The following MYO3A variants were observed in gnomAD, a reference collection of about 807,000 sequenced individuals.
MYO3A encodes myosin-IIIa.
MYO3A carries 180 observed loss-of-function variants against 192.7 expected under a neutral mutation model. The observed-to-expected ratio is 0.93, with a 90% CI of 0.83 to 1.06. MYO3A has a LOEUF of 1.06. Among genes scored for constraint, MYO3A ranks in the 50% least tolerant of loss-of-function variants. The pLI is 0.00. For missense variants in MYO3A, 1,896 were observed against 1,905.0 expected, an observed-to-expected ratio of 1.00 and a Z score of 0.09; for synonymous variants, 628 against 645.3, an observed-to-expected ratio of 0.97 and a Z score of 0.41.
At chr10:26,180,313 T>G (rs1429315222) in intron 31 of MYO3A, among the ~76,000 whole-genome samples, 3 of 152,196 alleles carry the variant, frequency 2.0e-5, no homozygotes, top group Non-Finnish European at 4.4e-5. Context: ...CACTCTGTAC[T>G]GATGAAATGT....
chr10:26,123,729 A>C (rs1839014945), intron 18 of MYO3A, among the ~76,000 whole-genome samples: 1 of 152,144 alleles, frequency 6.6e-6, no homozygotes, highest in South Asian at 2.1e-4. Context: ...GATCGAGACC[A>C]TCCTGGCTAA....
chr10:26,194,779 C>A lies in MYO3A; in HGVS notation c.4545+1468C>A, dbSNP rs781425352. Among the ~76,000 whole-genome samples the A allele has an allele frequency of 3.0e-4, 45 of 152,214 alleles. 2 individuals are homozygous for A. The highest frequency in any genetic ancestry group is 7.3e-5 in the Non-Finnish European group (5 of 68,042). On this transcript the variant is annotated intron_variant, in intron 32 of 34. Transcript: ENST00000642920. ...CTACAACCTCAGTGACTGCTGATTTCTGAATCTTGATCGCTGGCTTAGATC... is the reference window on the plus strand; with the variant it reads ...CTACAACCTCAGTGACTGCTGATTTATGAATCTTGATCGCTGGCTTAGATC...
chr10:26,020,341 T>C (rs1297802129), intron 7 of MYO3A, among the ~76,000 whole-genome samples: 1 of 152,222 alleles, frequency 6.6e-6, no homozygotes, highest in Non-Finnish European at 1.5e-5. Context: ...TCATTGCCAT[T>C]AGTGTCAGGT....
chr10:25,951,953 C>A, intron 2 of MYO3A, 141 bp from the exon 3 acceptor site: 1 of 623,512 alleles, frequency 1.6e-6, no homozygotes, highest in Non-Finnish European at 2.8e-6. Context: ...TTCAAATTTC[C>A]TGTGACTCTG....
chr10:26,206,750 G>A (rs1046291488), intron 34 of MYO3A, among the ~76,000 whole-genome samples: 2 of 152,108 alleles, frequency 1.3e-5, no homozygotes, highest in African/African-American at 4.8e-5. Context: ...CGCCCAGCCT[G>A]ATTTTAATTT....
intron 2 of MYO3A, among the ~76,000 whole-genome samples, chr10:25,937,309 A>C (rs1480792300): frequency 6.6e-6 from 1 of 151,984 alleles, no homozygotes; most frequent in Non-Finnish European, 1.5e-5. Flanking sequence ...TCACTCATAT[A>C]TTTTACCTCC....
At position 26,176,796 on chromosome 10, in the gene MYO3A, G is replaced by A. The variant is rs765271639; in HGVS notation, c.4389G>A (p.Ser1463=). ...TGAAGTCACTTTATCTGGGTGTCTCGCACCATAAGCCAATTAATAGACGAG... is the reference window on the plus strand; with the variant it reads ...TGAAGTCACTTTATCTGGGTGTCTCACACCATAAGCCAATTAATAGACGAG... ...QQLKSLYLGV[S]HHKPINRRVS... Residue 1463 remains serine, a synonymous_variant, in exon 31 of 35, where the codon TCG becomes TCA. Transcript: ENST00000642920. The A allele has an allele frequency of 9.3e-6, 15 of 1,614,072 alleles. No homozygotes were observed. Among genetic ancestry groups the A allele is most frequent in the South Asian group, 7.7e-5 (7 of 91,076 alleles).
chr10:26,070,366 C>T lies in MYO3A; in HGVS notation c.1324C>T (p.His442Tyr), dbSNP rs142415484. 57 of 1,613,062 alleles carry T rather than the reference C, an allele frequency of 3.5e-5. No homozygotes were observed. The highest frequency in any genetic ancestry group is 1.2e-4 in the African/African-American group (9 of 74,872). The change falls in exon 14 of 35, where the codon CAT becomes TAT. Residue 442 changes from histidine to tyrosine, a missense_variant. His to Tyr is a moderately conservative substitution (Grantham distance 83). Transcript: ENST00000642920. ...TGGTGCTGGAAAGACTGAAAATGCT[C>T]ATCTTTTAGTTCAGCAGCTGACAGT... ...ESGAGKTENA[H>Y]LLVQQLTVLG...
At position 26,174,514 on chromosome 10, in the gene MYO3A, C is replaced by T. The variant is rs34151474; in HGVS notation, c.4250C>T (p.Thr1417Ile). Residue 1417 changes from threonine (T) to isoleucine (I), a missense_variant, in exon 30 of 35, where the codon ACT (threonine) becomes ATT (isoleucine). Physicochemically the swap from Thr to Ile is moderately conservative, Grantham distance 89. Transcript: ENST00000642920. ...KKKDNKDSKA[T>I]SEREACGLAI... The stretch of plus-strand genomic sequence containing the variant: ...AAGGATAACAAAGACTCGAAAGCAA[C>T]TTCAGAAAGAGAAGCATGTGGTTTG... 0.012 allele frequency: 19,403 copies of T among 1,613,830 alleles called. 180 individuals are homozygous for T. The highest frequency in any genetic ancestry group is 0.015 in the Non-Finnish European group (17,803 of 1,179,922).
intron 4 of MYO3A, among the ~76,000 whole-genome samples, chr10:25,979,574 C>T (rs911140861): frequency 1.3e-5 from 2 of 151,868 alleles, no homozygotes; most frequent in East Asian, 1.9e-4. Flanking sequence ...TATATGACAG[C>T]AGATTTAATA....
chr10:26,120,711 C>G lies in MYO3A; in HGVS notation c.1812C>G (p.Ile604Met). The change falls in exon 18 of 35, where the codon ATC (isoleucine) becomes ATG (methionine). Residue 604 changes from isoleucine to methionine, a missense_variant. Transcript: ENST00000642920. Reference protein sequence around the residue: ...LGSIYSILAAILNVGNIEFSS... With the variant: ...LGSIYSILAAMLNVGNIEFSS... ...GTATATACAGCATACTCGCTGCAAT[C>G]TTGAATGTTGGCAACATTGAATTTT... The G allele has an allele frequency of 1.2e-6, 2 of 1,614,078 alleles. No individual in the cohort carries two copies. The highest frequency in any genetic ancestry group is 4.5e-5 in the East Asian group (2 of 44,846).
intron 10 of MYO3A, among the ~76,000 whole-genome samples, chr10:26,048,782 T>C (rs1435632234): frequency 6.6e-6 from 1 of 152,230 alleles, no homozygotes; most frequent in Non-Finnish European, 1.5e-5. Context: ...TATAGTAGTC[T>C]GGACTTCAGG....
At chr10:25,994,407 C>A (rs763853588) in intron 4 of MYO3A, among the ~76,000 whole-genome samples, 43 of 152,226 alleles carry the variant, frequency 2.8e-4, no homozygotes, top group Non-Finnish European at 3.5e-4. Flanking sequence ...CTACGTGCGT[C>A]TCTGCACATG....
At chr10:26,126,429 A>T (rs1000304102) in intron 19 of MYO3A, among the ~76,000 whole-genome samples, 14 of 152,316 alleles carry the variant, frequency 9.2e-5, no homozygotes, top group Middle Eastern at 3.4e-3. Context: ...TAAAATACAT[A>T]CCACACCATT....
intron 6 of MYO3A, among the ~76,000 whole-genome samples, chr10:25,999,188 G>A (rs999254292): frequency 2.6e-5 from 4 of 152,124 alleles, no homozygotes; most frequent in African/African-American, 7.2e-5. Context: ...GTGAGCCACC[G>A]TGCCTGGCCT....
At chr10:26,183,109 G>A (rs1349780548) in intron 31 of MYO3A, among the ~76,000 whole-genome samples, 5 of 152,196 alleles carry the variant, frequency 3.3e-5, no homozygotes, top group Admixed American at 2.6e-4. Flanking sequence ...CGACAGTCCA[G>A]AGGGTGTATC....
At chr10:26,046,021 T>TAC (rs60324797) in intron 10 of MYO3A, among the ~76,000 whole-genome samples, 24,687 of 152,138 alleles carry the variant, frequency 0.16, 2,291 homozygotes, top group Non-Finnish European at 0.21. Flanking sequence ...TGCCTTGCCC[T>TAC]ACACATCTCT....
At chr10:26,198,181 C>A (rs1307867120) in intron 32 of MYO3A, among the ~76,000 whole-genome samples, 1 of 152,100 alleles carries the variant, frequency 6.6e-6, no homozygotes, top group African/African-American at 2.4e-5. Context: ...TCACTTCTTA[C>A]AATGGCGATT....
chr10:26,210,227 C>T (rs1844163433), intron 34 of MYO3A, among the ~76,000 whole-genome samples: 1 of 152,172 alleles, frequency 6.6e-6, no homozygotes, highest in Non-Finnish European at 1.5e-5. Context: ...TCTAGCCTTG[C>T]CATGACTTAT....
Sources: allele counts gnomAD v4.1 joint callset (sites outside exome capture counted in the v4.1 genomes callset), GRCh38; gene constraint gnomAD v4.1.1; transcripts MANE v1.5; gene names NCBI Gene and HGNC (gene_info 2026-07-23, HGNC 2026-07-21).